The following SASH1 variants were observed in gnomAD, a reference collection of about 807,000 sequenced individuals.
SASH1 encodes SAM and SH3 domain-containing protein 1.
In SASH1, 44 loss-of-function variants were observed where a neutral mutation model predicts 125.2. The observed-to-expected ratio is 0.35, with a 90% confidence interval of 0.28 to 0.45. The LOEUF (loss-of-function observed/expected upper bound fraction) is 0.45, where lower values mean the gene tolerates loss of function less well. SASH1 is among the 20% of genes least tolerant of loss of function. SASH1 has a pLI of 1.00. For missense variants in SASH1, 1,426 were observed against 1,614.5 expected, an observed-to-expected ratio of 0.88 and a Z score of 2.00; for synonymous variants, 639 against 649.1, an observed-to-expected ratio of 0.98 and a Z score of 0.24.
chr6:148,273,299 T>TC (rs1173968020), intron 1 of SASH1, among the ~76,000 whole-genome samples: 11 of 146,632 alleles, frequency 7.5e-5, no homozygotes, highest in Non-Finnish European at 1.4e-4. Context: ...TTTCTTTCTT[T>TC]TTTTTTTTTT....
intron 5 of SASH1, among the ~76,000 whole-genome samples, chr6:148,469,978 A>G (rs1397473972): frequency 6.6e-6 from 1 of 151,018 alleles, no homozygotes; most frequent in Non-Finnish European, 1.5e-5. Context: ...GTGAGCCAAG[A>G]TTGCACCGCT....
intron 8 of SASH1, among the ~76,000 whole-genome samples, chr6:148,490,555 A>T (rs141395688): frequency 6.6e-6 from 1 of 152,192 alleles, no homozygotes; most frequent in Non-Finnish European, 1.5e-5. Flanking sequence ...TGGAGCAGAA[A>T]CAGAAGGAAT....
chr6:148,357,647 G>A (rs1044186039), intron 1 of SASH1, among the ~76,000 whole-genome samples: 2 of 152,264 alleles, frequency 1.3e-5, no homozygotes, highest in Admixed American at 6.5e-5. Context: ...ACTCCTCATT[G>A]TAACCAGCTT....
rs11317386 is a variant in SASH1 at position 148,349,252 on chromosome 6, C to CTTTTTTTTTTTTT, written c.156+6046_156+6058dup. 5.5e-4 allele frequency among the ~76,000 whole-genome samples: 26 copies of CTTTTTTTTTTTTT among 47,018 alleles called. 2 individuals carry two copies. Among genetic ancestry groups the CTTTTTTTTTTTTT allele is most frequent in the Admixed American group, 1.4e-3 (4 of 2,776 alleles). The allele number at this position is 47,018 out of a possible 152,430, so 30.8% of individuals were successfully genotyped here. A position where few individuals can be genotyped will look rare whatever the true frequency, so the allele number is the denominator to read the frequency against. ...TTATTTCATTCTTTCTTCTTTCTTTCTTTTTTTTTTTTTTTTTTTTTTTTT... is the reference window on the plus strand; with the variant it reads ...TTATTTCATTCTTTCTTCTTTCTTTCTTTTTTTTTTTTTTTTTTTTTTTTTTTTTTTTTTTTTT... On this transcript the variant is annotated intron_variant, in intron 1 of 19. Transcript: ENST00000367467.
At position 148,549,758 on chromosome 6, in the gene SASH1, G is replaced by A. The variant is rs1026721294; in HGVS notation, c.*1200G>A. ...GAACCAGACAAATCTCATTAGCCAT[G>A]TGTTAAGTATTTGCTACTTTAAATT... On this transcript the variant is annotated 3_prime_UTR_variant, in exon 20 of 20. Coordinates refer to ENST00000367467, the MANE Select transcript of SASH1 (RefSeq NM_015278.5). 5 of 391,454 alleles carry A rather than the reference G, an allele frequency of 1.3e-5. No individual in the cohort carries two copies. Among genetic ancestry groups the A allele is most frequent in the South Asian group, 1.4e-4 (1 of 7,284 alleles). 24.2% of individuals were successfully genotyped at this position (391,454 alleles called of 1,614,324 possible). A position where few individuals can be genotyped will look rare whatever the true frequency, so the allele number is the denominator to read the frequency against.
chr6:148,530,089 G>A (rs1781424635), intron 12 of SASH1, among the ~76,000 whole-genome samples: 1 of 152,158 alleles, frequency 6.6e-6, no homozygotes, highest in African/African-American at 2.4e-5. Context: ...ACAGGCATGA[G>A]CCACTGCGCC....
At chr6:148,392,760 C>A (rs1783783015) in intron 2 of SASH1, among the ~76,000 whole-genome samples, 1 of 152,224 alleles carries the variant, frequency 6.6e-6, no homozygotes, top group Non-Finnish European at 1.5e-5. Flanking sequence ...CAGGGGCTGA[C>A]AGCCATCACC....
At chr6:148,531,434 A>C in intron 12 of SASH1, 92 bp from the exon 13 acceptor site, 1 of 1,154,380 alleles carries the variant, frequency 8.7e-7, no homozygotes, top group Non-Finnish European at 1.2e-6. Flanking sequence ...GATTGATTTG[A>C]TTGATTTCGT....
chr6:148,328,073 T>C (rs1387651176), intron 1 of SASH1, among the ~76,000 whole-genome samples: 1 of 152,152 alleles, frequency 6.6e-6, no homozygotes, highest in Admixed American at 6.6e-5. Context: ...CTTTGTTGCC[T>C]AGGCTGAAGT....
chr6:148,327,242 C>CGAATGAAT lies in SASH1; in HGVS notation n.74+54884_74+54891dup, dbSNP rs552385857. Among the ~76,000 whole-genome samples the CGAATGAAT allele has an allele frequency of 1.9e-3, 285 of 151,272 alleles. 1 individual carries two copies. The highest frequency in any genetic ancestry group is 6.1e-3 in the African/African-American group (250 of 41,220). On this transcript the variant is annotated intron_variant and non_coding_transcript_variant, in intron 1 of 3. Transcript: ENST00000367469. ...TTTGTTACATGGAGGAACGAACGGA[C>CGAATGAAT]GAATGAATGAATGAATGAATGAATG...
rs752503830 is a variant in SASH1 at position 148,474,188 on chromosome 6, A to C, written c.593A>C (p.Glu198Ala). The C allele has an allele frequency of 3.1e-6, 5 of 1,609,040 alleles. No individual in the cohort carries two copies. The highest frequency in any genetic ancestry group is 4.2e-6 in the Non-Finnish European group (5 of 1,177,472). ...ATTCAGCTAATGATGATGGTCAAAGAAAAGATGATCACAATTGAGGAAGCA... is the reference window on the plus strand; with the variant it reads ...ATTCAGCTAATGATGATGGTCAAAGCAAAGATGATCACAATTGAGGAAGCA... ...ERIQLMMMVK[E>A]KMITIEEALA... is the part of the protein sequence containing the mutation. The change falls in exon 7 of 20, where the codon GAA (glutamate) becomes GCA (alanine). Residue 198 changes from glutamate (E) to alanine (A), a missense_variant. Physicochemically the swap from Glu to Ala is moderately radical, Grantham distance 107. Coordinates refer to ENST00000367467, the MANE Select transcript of SASH1 (RefSeq NM_015278.5).
intron 16 of SASH1, among the ~76,000 whole-genome samples, chr6:148,536,198 G>A (rs954665681): frequency 2.0e-5 from 3 of 152,284 alleles, no homozygotes; most frequent in African/African-American, 7.2e-5. Flanking sequence ...GAGCCTGCAC[G>A]GTAACTGGTG....
chr6:148,414,775 C>T (rs1426235175), intron 2 of SASH1, among the ~76,000 whole-genome samples: 1 of 152,118 alleles, frequency 6.6e-6, no homozygotes, highest in Non-Finnish European at 1.5e-5. Context: ...AAGCTATTCT[C>T]TTGCCTCAGC....
chr6:148,534,014 A>G (rs1166088755), intron 15 of SASH1, 34 bp downstream of exon 15: 2 of 1,593,422 alleles, frequency 1.3e-6, no homozygotes, highest in Non-Finnish European at 1.7e-6. Context: ...ACACGCTACT[A>G]CCTCACTGCC....
At chr6:148,385,305 A>G (rs752879253) in intron 1 of SASH1, among the ~76,000 whole-genome samples, 5 of 152,174 alleles carry the variant, frequency 3.3e-5, no homozygotes, top group Admixed American at 6.5e-5. Context: ...CAGGTCCCCA[A>G]GTTATTGGGG....
rs375330968 is a variant in SASH1, at chr6:148,375,018, G to A, written c.157-15116G>A. On this transcript the variant is annotated intron_variant, in intron 1 of 19. Coordinates refer to ENST00000367467, the MANE Select transcript of SASH1 (RefSeq NM_015278.5). ...GGCCTTTTTTTGTTTTTTGAGACAG[G>A]GTCTCACTCTGTCTCAGGCTGGAGT... Among the ~76,000 whole-genome samples the A allele has an allele frequency of 1.6e-4, 23 of 147,564 alleles. No homozygotes were observed. In the East Asian group the frequency reaches 1.8e-3, roughly 12 times the overall value.
chr6:148,213,505 G>GGTGTGTGTGTGTGTGTGTGTGTGT, the SASH1 span, among the ~76,000 whole-genome samples: 186 of 148,438 alleles, frequency 1.3e-3, 1 homozygote, highest in Middle Eastern at 3.4e-3. Flanking sequence ...CTAGCCAAAG[G>GGTGTGTGTGTGTGTGTGTGTGTGT]GTGTGTGTGT....
intron 4 of SASH1, among the ~76,000 whole-genome samples, chr6:148,451,662 A>C (rs548065207): frequency 6.6e-6 from 1 of 152,316 alleles, no homozygotes; most frequent in African/African-American, 2.4e-5. Context: ...AAGAAACAAC[A>C]GACGACATAA....
chr6:148,470,059 A>G (rs1182845291), intron 5 of SASH1, among the ~76,000 whole-genome samples: 1 of 152,016 alleles, frequency 6.6e-6, no homozygotes, highest in Non-Finnish European at 1.5e-5. Flanking sequence ...AAAGAAAGAA[A>G]AGAAAAAAGA....
Sources: allele counts gnomAD v4.1 joint callset (sites outside exome capture counted in the v4.1 genomes callset), GRCh38; gene constraint gnomAD v4.1.1; transcripts MANE v1.5; gene names NCBI Gene and HGNC (gene_info 2026-07-23, HGNC 2026-07-21).